The following AP1G1 variants were observed in gnomAD, a reference collection of about 807,000 sequenced individuals.
The protein encoded by AP1G1 is adaptor related protein complex 1 subunit gamma 1.
Under a neutral mutation model 108.3 loss-of-function variants are expected in AP1G1, and 7 were observed. The ratio of observed to expected loss-of-function variants is 0.06; its 90% confidence interval spans 0.04 to 0.12. The LOEUF (loss-of-function observed/expected upper bound fraction) is 0.12, where lower values mean the gene tolerates loss of function less well. Ranked by LOEUF, AP1G1 falls within the 10% of genes least tolerant of loss-of-function variation. The pLI is 1.00. For synonymous variants in AP1G1, 379 were observed against 353.5 expected, an observed-to-expected ratio of 1.07 and a Z score of -0.81; for missense variants, 756 against 1,010.7, an observed-to-expected ratio of 0.75 and a Z score of 3.42.
At chr16:71,793,702 T>G (rs2142264505) in intron 1 of AP1G1, among the ~76,000 whole-genome samples, 1 of 152,284 alleles carries the variant, frequency 6.6e-6, no homozygotes, top group Admixed American at 6.5e-5. Context: ...GCTTTCTTTT[T>G]GAGACAGGGT....
intron 13 of AP1G1, among the ~76,000 whole-genome samples, chr16:71,751,511 A>C (rs2030505192): frequency 6.6e-6 from 1 of 151,728 alleles, no homozygotes; most frequent in Non-Finnish European, 1.5e-5. Context: ...GGGTTTTATC[A>C]GGTCACTCCT....
In AP1G1 at chr16:71,730,317, A is replaced by C. The variant is rs2045465134; in HGVS notation, c.*2741T>G. 1 of 152,410 alleles carries C rather than the reference A, an allele frequency of 6.6e-6. No homozygotes were observed. Among genetic ancestry groups the C allele is most frequent in the African/African-American group, 2.4e-5 (1 of 41,440 alleles). The allele number at this position is 152,410 out of a possible 1,614,324, so 9.4% of individuals were successfully genotyped here. ...TTAGGATTCCCCGGGATGGGGCAGA[A>C]ACTAGAATAGAAACGACTCTTGAAG... On this transcript the variant is annotated 3_prime_UTR_variant, in exon 23 of 23. Coordinates refer to ENST00000299980, the MANE Select transcript of AP1G1 (RefSeq NM_001128.6).
intron 2 of AP1G1, among the ~76,000 whole-genome samples, chr16:71,787,164 C>G (rs2032233129): frequency 6.6e-6 from 1 of 151,696 alleles, no homozygotes; most frequent in South Asian, 2.1e-4. Context: ...ACTAAAAATA[C>G]AAAAATTAGC....
chr16:71,739,317 G>A lies in AP1G1; in HGVS notation c.2024C>T (p.Pro675Leu). Residue 675 changes from proline (P) to leucine (L), a missense_variant, in exon 20 of 23, where the codon CCT becomes CTT. Transcript: ENST00000299980. ...CTGGGATATCTGTGGGACTGAGGCA[G>A]GGGCAGGAGCAGCAGCTGGAGCACC... ...LTGAPAAAPA[P>L]ASVPQISQPP... The A allele has an allele frequency of 6.2e-7, 1 of 1,607,570 alleles. No individual in the cohort carries two copies. Among genetic ancestry groups the A allele is most frequent in the Non-Finnish European group, 8.5e-7 (1 of 1,178,426 alleles).
intron 1 of AP1G1, among the ~76,000 whole-genome samples, chr16:71,798,101 A>T (rs1026290007): frequency 1.3e-5 from 2 of 152,220 alleles, no homozygotes; most frequent in East Asian, 3.9e-4. Flanking sequence ...GAAAGACCTA[A>T]AATAAACTTG....
intron 9 of AP1G1, among the ~76,000 whole-genome samples, chr16:71,764,071 C>T (rs950683360): frequency 1.3e-5 from 2 of 151,894 alleles, no homozygotes; most frequent in African/African-American, 4.8e-5. Context: ...CCAGCAGACA[C>T]CATCTCAACC....
chr16:71,754,651 A>C (rs1291071655), intron 12 of AP1G1, among the ~76,000 whole-genome samples: 1 of 152,128 alleles, frequency 6.6e-6, no homozygotes, highest in Non-Finnish European at 1.5e-5. Flanking sequence ...AAATTAAAAA[A>C]TTAGTGGCAC....
rs146174567 is a variant in AP1G1 at position 71,751,962 on chromosome 16, A to G, written c.1285-1630T>C. On this transcript the variant is annotated intron_variant, in intron 13 of 22. Transcript: ENST00000299980. ...CATTATAAGAGAAAACTATAAGCCA[A>G]TCTCTCTCATGAATACACATATAAA... 3.2e-4 allele frequency among the ~76,000 whole-genome samples: 49 copies of G among 152,310 alleles called. 1 individual carries two copies. The highest frequency in any genetic ancestry group is 1.1e-3 in the African/African-American group (44 of 41,572).
rs2030211143 is a variant in AP1G1, at chr16:71,746,904, G to A, written c.1626-212C>T. On this transcript the variant is annotated intron_variant, in intron 16 of 22. Coordinates refer to ENST00000299980, the MANE Select transcript of AP1G1 (RefSeq NM_001128.6). Reference sequence around the variant, plus strand: ...ATTCTCATTGTAACACTAGATTTTTGTCTGTTAAATATGCCATCCCCATTC... The same window carrying A: ...ATTCTCATTGTAACACTAGATTTTTATCTGTTAAATATGCCATCCCCATTC... 4 of 393,136 alleles carry A rather than the reference G, an allele frequency of 1.0e-5. No individual in the cohort carries two copies. In the East Asian group the frequency reaches 1.8e-4, roughly 18 times the overall value. 24.4% of individuals were successfully genotyped at this position (393,136 alleles called of 1,614,324 possible). A position where few individuals can be genotyped will look rare whatever the true frequency, so the allele number is the denominator to read the frequency against.
At chr16:71,739,431 T>C (rs1328700062) in intron 19 of AP1G1, 90 bp from the exon 20 acceptor site, 1 of 1,032,238 alleles carries the variant, frequency 9.7e-7, no homozygotes, top group East Asian at 2.7e-5. Flanking sequence ...CGGTCTCAGG[T>C]TAAGGAAAGA....
intron 1 of AP1G1, among the ~76,000 whole-genome samples, chr16:71,797,928 T>C (rs1197554408): frequency 1.3e-5 from 2 of 152,314 alleles, no homozygotes; most frequent in Middle Eastern, 3.4e-3. Context: ...AAAGATGGTA[T>C]AATATTTACT....
At chr16:71,766,028 T>C (rs1455498583) in intron 6 of AP1G1, among the ~76,000 whole-genome samples, 1 of 152,178 alleles carries the variant, frequency 6.6e-6, no homozygotes, top group African/African-American at 2.4e-5. Flanking sequence ...ATTAAAATTA[T>C]AGCTTTAAAA....
chr16:71,760,147 G>C (rs914338928), intron 10 of AP1G1, among the ~76,000 whole-genome samples: 1 of 152,032 alleles, frequency 6.6e-6, no homozygotes, highest in African/African-American at 2.4e-5. Context: ...CTGGATTACA[G>C]GTGTGAGCCA....
intron 2 of AP1G1, chr16:71,777,834 T>C (rs1232421114): frequency 5.2e-6 from 2 of 381,630 alleles, no homozygotes; most frequent in Non-Finnish European, 1.1e-5. Flanking sequence ...TTCTCCAACA[T>C]GGTGCTAGGA....
intron 2 of AP1G1, among the ~76,000 whole-genome samples, chr16:71,788,934 G>A (rs960889227): frequency 2.0e-5 from 3 of 152,016 alleles, no homozygotes; most frequent in African/African-American, 7.3e-5. Context: ...TGGGATTACA[G>A]GCACAAGCCA....
intron 2 of AP1G1, among the ~76,000 whole-genome samples, chr16:71,788,724 A>T (rs1452624269): frequency 6.6e-6 from 1 of 151,622 alleles, no homozygotes; most frequent in Non-Finnish European, 1.5e-5. Flanking sequence ...CAGTGGTGCA[A>T]TCGTAGCTCA....
At chr16:71,777,717 TCTC>T (rs1261131307) in intron 2 of AP1G1, 9 of 449,282 alleles carry the variant, frequency 2.0e-5, no homozygotes, top group South Asian at 3.2e-5. Flanking sequence ...TCGGGCCCGT[TCTC>T]CTCCTCCTCC....
chr16:71,745,034 GC>G (rs1284843924), intron 19 of AP1G1, 109 bp downstream of exon 19: 56 of 1,185,992 alleles, frequency 4.7e-5, no homozygotes, highest in Admixed American at 1.5e-4. Context: ...TTCTGATTTA[GC>G]CTCTCCCATC....
intron 2 of AP1G1, 121 bp downstream of exon 2, chr16:71,789,158 G>A (rs554510354): frequency 2.2e-6 from 2 of 906,390 alleles, no homozygotes; most frequent in South Asian, 1.6e-5. Context: ...CTTACCCTCA[G>A]TTCCACAATG....
Sources: gnomAD v4.1 joint callset for allele counts (sites outside exome capture counted in the v4.1 genomes callset) on GRCh38, gnomAD v4.1.1 for gene constraint, MANE v1.5 for transcripts, NCBI Gene and HGNC (gene_info 2026-07-23, HGNC 2026-07-21) for gene names.